The following EPHB1 variants were observed in gnomAD, a reference collection of about 807,000 sequenced individuals.
The protein encoded by EPHB1 is ephrin type-B receptor 1.
A neutral mutation model predicts 94.4 loss-of-function variants in EPHB1; 30 were observed. The observed-to-expected ratio is 0.32, with a 90% CI of 0.24 to 0.43. EPHB1 has a LOEUF of 0.43. EPHB1 is among the 20% of genes least tolerant of loss of function. EPHB1 has a pLI of 1.00. For synonymous variants in EPHB1, 522 were observed against 489.1 expected (o/e 1.07, Z -0.89); for missense variants, 1,055 against 1,308.3 (o/e 0.81, Z 2.99).
intron 1 of EPHB1, among the ~76,000 whole-genome samples, chr3:134,811,242 G>GGTTTTTTTTTT (rs2036168294): frequency 8.1e-5 from 6 of 73,850 alleles, no homozygotes; most frequent in African/African-American, 2.5e-4. Flanking sequence ...TACTAAGAAG[G>GGTTTTTTTTTT]TTTTTTTTTT....
chr3:134,800,033 T>C (rs889064136), intron 1 of EPHB1, among the ~76,000 whole-genome samples: 1 of 152,080 alleles, frequency 6.6e-6, no homozygotes, highest in Non-Finnish European at 1.5e-5. Flanking sequence ...GAAAGGAATA[T>C]ATGGGTCAGG....
chr3:134,921,866 A>G (rs2038693607), intron 1 of EPHB1, among the ~76,000 whole-genome samples: 4 of 152,114 alleles, frequency 2.6e-5, no homozygotes, highest in Admixed American at 2.6e-4. Flanking sequence ...ACAGGTGGAG[A>G]GAGAGATGGA....
intron 3 of EPHB1, among the ~76,000 whole-genome samples, chr3:134,975,338 C>A (rs1313280218): frequency 1.3e-5 from 2 of 152,056 alleles, no homozygotes; most frequent in African/African-American, 4.8e-5. Context: ...GGATGCAGAA[C>A]TGGGGTGGAT....
At chr3:135,196,659 G>A (rs1177044504) in intron 11 of EPHB1, among the ~76,000 whole-genome samples, 2 of 152,134 alleles carry the variant, frequency 1.3e-5, no homozygotes, top group Middle Eastern at 3.4e-3. Flanking sequence ...GATAATTTTA[G>A]GATCACTACT....
intron 1 of EPHB1, among the ~76,000 whole-genome samples, chr3:134,887,334 G>A (rs973023114): frequency 2.0e-5 from 3 of 152,160 alleles, no homozygotes; most frequent in Non-Finnish European, 4.4e-5. Context: ...GTCAGGTCTC[G>A]TAAGCTCCCA....
chr3:134,889,399 T>C (rs2037922413), intron 1 of EPHB1, among the ~76,000 whole-genome samples: 1 of 152,160 alleles, frequency 6.6e-6, no homozygotes, highest in Non-Finnish European at 1.5e-5. Flanking sequence ...AGCCCCCAAG[T>C]CCTGCCACCT....
intron 3 of EPHB1, among the ~76,000 whole-genome samples, chr3:135,083,088 C>A (rs571211841): frequency 6.6e-6 from 1 of 152,248 alleles, no homozygotes; most frequent in South Asian, 2.1e-4. Context: ...GCCAGTCTTC[C>A]ATTTGCCTGG....
At chr3:135,156,730 A>G (rs1941367823) in intron 6 of EPHB1, among the ~76,000 whole-genome samples, 1 of 152,244 alleles carries the variant, frequency 6.6e-6, no homozygotes, top group African/African-American at 2.4e-5. Context: ...AATTTAAACC[A>G]GCTGAATTCA....
chr3:134,991,200 T>G (rs940811724), intron 3 of EPHB1, among the ~76,000 whole-genome samples: 1 of 152,220 alleles, frequency 6.6e-6, no homozygotes, highest in Middle Eastern at 3.2e-3. Context: ...TCCTTGACTC[T>G]GCCCACTTTG....
intron 1 of EPHB1, among the ~76,000 whole-genome samples, chr3:134,798,781 CGTCTT>C (rs1479747302): frequency 6.6e-6 from 1 of 152,198 alleles, no homozygotes; most frequent in Non-Finnish European, 1.5e-5. Flanking sequence ...CTCTGAGCTG[CGTCTT>C]GTCTTGTGCC....
chr3:135,141,246 C>T (rs1249144309), intron 5 of EPHB1, among the ~76,000 whole-genome samples: 8 of 151,228 alleles, frequency 5.3e-5, no homozygotes, highest in Non-Finnish European at 5.9e-5. Flanking sequence ...CCCCTAAGAG[C>T]GCATCTGCCC....
At chr3:135,095,888 G>C (rs16842582) in intron 3 of EPHB1, among the ~76,000 whole-genome samples, 1 of 152,124 alleles carries the variant, frequency 6.6e-6, no homozygotes, top group Admixed American at 6.6e-5. Context: ...CTTAGATGTC[G>C]CTTTCCCAAG....
At chr3:135,158,398 C>T (rs776491446) in intron 6 of EPHB1, among the ~76,000 whole-genome samples, 12 of 152,132 alleles carry the variant, frequency 7.9e-5, no homozygotes, top group South Asian at 2.1e-4. Context: ...CTGCTATAGT[C>T]GACTCTGCCT....
intron 9 of EPHB1, 109 bp from the exon 10 acceptor site, chr3:135,179,751 T>C: frequency 7.4e-7 from 1 of 1,345,824 alleles, no homozygotes; most frequent in Non-Finnish European, 1.0e-6. Context: ...CAGCCTGGTG[T>C]GTAGGAGAGC....
At chr3:135,048,148 G>C (rs1030415621) in intron 3 of EPHB1, among the ~76,000 whole-genome samples, 5 of 151,714 alleles carry the variant, frequency 3.3e-5, no homozygotes, top group Admixed American at 1.3e-4. Context: ...TGGAGGTGCT[G>C]GGAAGGAGGA....
At chr3:135,050,792 G>A (rs967702019) in intron 3 of EPHB1, among the ~76,000 whole-genome samples, 1 of 152,012 alleles carries the variant, frequency 6.6e-6, no homozygotes, top group African/African-American at 2.4e-5. Flanking sequence ...CATATGACAC[G>A]CCTCCTCCCC....
chr3:134,813,959 C>T (rs1234526658), intron 1 of EPHB1, among the ~76,000 whole-genome samples: 1 of 152,192 alleles, frequency 6.6e-6, no homozygotes, highest in Non-Finnish European at 1.5e-5. Context: ...TCACTTCTGG[C>T]TCTGAGAAAA....
intron 4 of EPHB1, among the ~76,000 whole-genome samples, chr3:135,131,191 C>T (rs914489171): frequency 2.0e-5 from 3 of 152,198 alleles, no homozygotes; most frequent in Non-Finnish European, 4.4e-5. Context: ...CTGTCACATG[C>T]GTGCATGAAC....
intron 1 of EPHB1, among the ~76,000 whole-genome samples, chr3:134,815,548 T>G (rs1410970848): frequency 6.6e-6 from 1 of 152,198 alleles, no homozygotes; most frequent in Non-Finnish European, 1.5e-5. Context: ...GGGTTTCTGG[T>G]TCCATTCATG....
Sources: allele counts gnomAD v4.1 joint callset (sites outside exome capture counted in the v4.1 genomes callset), GRCh38; gene constraint gnomAD v4.1.1; transcripts MANE v1.5; gene names NCBI Gene and HGNC (gene_info 2026-07-23, HGNC 2026-07-21).